WASHC3: variants seen among roughly 807,000 people sequenced by gnomAD.
WASHC3 encodes WASH complex subunit CCDC53.
WASHC3 carries 24 observed loss-of-function variants against 26.1 expected under a neutral mutation model. The observed-to-expected ratio is 0.92, with a 90% CI of 0.66 to 1.29. The LOEUF is 1.29. Among genes scored for constraint, WASHC3 ranks in the 50% most tolerant of loss-of-function variants. The pLI is 0.00. For synonymous variants in WASHC3, 77 were observed against 75.7 expected (o/e 1.02, Z -0.09); for missense variants, 214 against 229.6 (o/e 0.93, Z 0.44).
chr12:102,054,178 A>G (rs1878501931), intron 2 of WASHC3, among the ~76,000 whole-genome samples: 1 of 152,234 alleles, frequency 6.6e-6, no homozygotes, highest in African/African-American at 2.4e-5. Flanking sequence ...GGAACAAAAG[A>G]TCTATAAAGC....
chr12:102,019,457 A>T (rs1345516990), intron 6 of WASHC3: 1 of 284,700 alleles, frequency 3.5e-6, no homozygotes, highest in Non-Finnish European at 7.0e-6. Context: ...GCTTCTCCCA[A>T]TTCAAAGAAA....
At chr12:102,051,220 T>C (rs190005878) in intron 2 of WASHC3, among the ~76,000 whole-genome samples, 5,700 of 152,180 alleles carry the variant, frequency 0.037, 146 homozygotes, top group African/African-American at 0.069. Flanking sequence ...TGTCGGGGGG[T>C]GGGAAAAGTT....
In WASHC3 at chr12:102,012,958, C is replaced by A. The variant is rs1876540283; in HGVS notation, c.*150G>T. On this transcript the variant is annotated 3_prime_UTR_variant, in exon 7 of 7. Coordinates refer to ENST00000240079, the MANE Select transcript of WASHC3 (RefSeq NM_016053.4). Reference sequence around the variant, plus strand: ...AAGACATACTGGCAGGTTAAAACTGCTTTATTATTATTTTTTTAACATAGA... The same window carrying A: ...AAGACATACTGGCAGGTTAAAACTGATTTATTATTATTTTTTTAACATAGA... 1 of 501,696 alleles carries A rather than the reference C, an allele frequency of 2.0e-6. No individual in the cohort carries two copies. The highest frequency in any genetic ancestry group is 2.0e-5 in the African/African-American group (1 of 50,384). 31.1% of individuals were successfully genotyped at this position (501,696 alleles called of 1,614,324 possible). A position where few individuals can be genotyped will look rare whatever the true frequency, so the allele number is the denominator to read the frequency against.
At chr12:102,060,076 T>C (rs1260812377) in intron 2 of WASHC3, among the ~76,000 whole-genome samples, 1 of 152,244 alleles carries the variant, frequency 6.6e-6, no homozygotes, top group South Asian at 2.1e-4. Context: ...CTCCATGCAA[T>C]TTTTATTAAT....
At chr12:102,056,954 C>A (rs947158806) in intron 2 of WASHC3, among the ~76,000 whole-genome samples, 1 of 152,074 alleles carries the variant, frequency 6.6e-6, no homozygotes, top group Non-Finnish European at 1.5e-5. Flanking sequence ...CCAGACAAAT[C>A]CACTACAAGA....
At chr12:102,013,256 T>C (rs1450104530) in intron 6 of WASHC3, 64 bp from the exon 7 acceptor site, 17 of 782,730 alleles carry the variant, frequency 2.2e-5, no homozygotes, top group Non-Finnish European at 3.2e-5. Flanking sequence ...TTACAAACTC[T>C]TAAATTTGGT....
chr12:102,040,416 A>T (rs561334940), intron 4 of WASHC3: 1 of 152,120 alleles, frequency 6.6e-6, no homozygotes, highest in Non-Finnish European at 1.5e-5. Context: ...AATCTACCTA[A>T]TTGAGCCCTT....
chr12:102,047,345 G>T (rs1179807568), intron 2 of WASHC3, among the ~76,000 whole-genome samples: 1 of 152,130 alleles, frequency 6.6e-6, no homozygotes. Context: ...GCAAAAAACT[G>T]AAAGTGGCCA....
intron 5 of WASHC3, among the ~76,000 whole-genome samples, chr12:102,030,799 A>G (rs1353695322): frequency 6.6e-6 from 1 of 152,236 alleles, no homozygotes; most frequent in Non-Finnish European, 1.5e-5. Flanking sequence ...TGACAACCAT[A>G]TAACTATTTA....
At chr12:102,058,802 G>C (rs1878691925) in intron 2 of WASHC3, among the ~76,000 whole-genome samples, 1 of 152,000 alleles carries the variant, frequency 6.6e-6, no homozygotes, top group Non-Finnish European at 1.5e-5. Flanking sequence ...GGAATCAAAA[G>C]TGTCCATCAA....
intron 5 of WASHC3, among the ~76,000 whole-genome samples, chr12:102,034,296 T>C (rs999665025): frequency 7.2e-5 from 11 of 152,170 alleles, no homozygotes; most frequent in Admixed American, 2.6e-4. Context: ...CAAAGCTATC[T>C]GTATTCTTTC....
rs1183040284 is a variant in WASHC3, at chr12:102,025,615, C to A, written c.500+359G>T. On this transcript the variant is annotated intron_variant, in intron 6 of 6. Coordinates refer to ENST00000240079, the MANE Select transcript of WASHC3 (RefSeq NM_016053.4). ...CCCCTGGTACATAATAATCACCCCCCCACCAAAAAAGCACAAACCAACAAA... is the reference window on the plus strand; with the variant it reads ...CCCCTGGTACATAATAATCACCCCCACACCAAAAAAGCACAAACCAACAAA... 2.9e-5 allele frequency among the ~76,000 whole-genome samples: 4 copies of A among 139,884 alleles called. No homozygotes were observed. The South Asian group carries it at 7.0e-4, about 25-fold the overall frequency. The allele number at this position is 139,884 out of a possible 152,430, so 91.8% of individuals were successfully genotyped here.
chr12:102,037,415 G>C (rs1877713376), intron 5 of WASHC3, among the ~76,000 whole-genome samples: 1 of 152,158 alleles, frequency 6.6e-6, no homozygotes, highest in Admixed American at 6.5e-5. Flanking sequence ...TGGGTAGGAG[G>C]ACACTGCAAT....
At chr12:102,046,214 T>C in intron 2 of WASHC3, 95 bp from the exon 3 acceptor site, 1 of 699,576 alleles carries the variant, frequency 1.4e-6, no homozygotes. Flanking sequence ...AACCATTAAA[T>C]ATTTGTCATA....
At chr12:102,022,561 A>G (rs559912518) in intron 6 of WASHC3, among the ~76,000 whole-genome samples, 1 of 152,322 alleles carries the variant, frequency 6.6e-6, no homozygotes, top group East Asian at 1.9e-4. Flanking sequence ...GTGGCAAGTA[A>G]TACAAGTAGG....
chr12:102,052,745 G>T (rs1239661861), intron 2 of WASHC3, among the ~76,000 whole-genome samples: 2 of 152,018 alleles, frequency 1.3e-5, no homozygotes, highest in Non-Finnish European at 2.9e-5. Flanking sequence ...TAGGGTTTAG[G>T]CCCATCCCAG....
At chr12:102,050,508 T>G in intron 2 of WASHC3, 1 of 436,672 alleles carries the variant, frequency 2.3e-6, no homozygotes. Flanking sequence ...CCGGGTGTGG[T>G]GACACATGCC....
At chr12:102,035,195 A>G (rs1877604873) in intron 5 of WASHC3, among the ~76,000 whole-genome samples, 1 of 152,160 alleles carries the variant, frequency 6.6e-6, no homozygotes, top group African/African-American at 2.4e-5. Context: ...TTTTGCCTAT[A>G]TTAGAATACC....
At chr12:102,041,350 A>T (rs574243993) in intron 4 of WASHC3, among the ~76,000 whole-genome samples, 1 of 152,162 alleles carries the variant, frequency 6.6e-6, no homozygotes, top group Admixed American at 6.5e-5. Context: ...TTTAATTATG[A>T]AATGTATTAC....
Sources: gnomAD v4.1 joint callset for allele counts (sites outside exome capture counted in the v4.1 genomes callset) on GRCh38, gnomAD v4.1.1 for gene constraint, MANE v1.5 for transcripts, NCBI Gene and HGNC (gene_info 2026-07-23, HGNC 2026-07-21) for gene names.